The following ADAMTS16 variants were observed in gnomAD, a reference collection of about 807,000 sequenced individuals.
The protein encoded by ADAMTS16 is A disintegrin and metalloproteinase with thrombospondin motifs 16.
Under a neutral mutation model 145.8 loss-of-function variants are expected in ADAMTS16, and 94 were observed. That is an observed-to-expected ratio of 0.64 (90% CI 0.55 to 0.77). The LOEUF (loss-of-function observed/expected upper bound fraction) is 0.77. Ranked by LOEUF, ADAMTS16 falls within the 30% of genes least tolerant of loss-of-function variation. The probability of loss-of-function intolerance (pLI) is 0.00; values close to 1 mark genes in which losing one functional copy is unlikely to be tolerated. For missense variants in ADAMTS16, 1,585 were observed against 1,591.5 expected, an observed-to-expected ratio of 1.00 and a Z score of 0.07; for synonymous variants, 659 against 604.3, an observed-to-expected ratio of 1.09 and a Z score of -1.33.
intron 3 of ADAMTS16, among the ~76,000 whole-genome samples, chr5:5,171,594 A>C (rs914076100): frequency 1.3e-5 from 2 of 152,186 alleles, no homozygotes; most frequent in African/African-American, 4.8e-5. Context: ...GTCTATGTTG[A>C]AGCATCTTTA....
chr5:5,248,919 A>G (rs1737538390), intron 17 of ADAMTS16, among the ~76,000 whole-genome samples: 1 of 152,242 alleles, frequency 6.6e-6, no homozygotes, highest in Non-Finnish European at 1.5e-5. Context: ...AGGGTCCTCC[A>G]GAGAAACAAC....
chr5:5,272,360 A>G (rs371373365), intron 18 of ADAMTS16, among the ~76,000 whole-genome samples: 131 of 122,510 alleles, frequency 1.1e-3, no homozygotes, highest in African/African-American at 3.4e-3. Context: ...ATTCCAAAGG[A>G]TTTTTTTTTT....
intron 18 of ADAMTS16, among the ~76,000 whole-genome samples, chr5:5,296,387 G>A (rs992826198): frequency 2.6e-5 from 4 of 152,134 alleles, no homozygotes; most frequent in African/African-American, 7.2e-5. Context: ...CGGACTCCCC[G>A]CCCTCCCCAG....
Position 5,200,266 on chromosome 5 carries a change from T to C in ADAMTS16, c.1448T>C (p.Leu483Pro), listed in dbSNP as rs1467593604. The C allele has an allele frequency of 6.2e-7, 1 of 1,613,888 alleles. No individual in the cohort carries two copies. Among genetic ancestry groups the C allele is most frequent in the Non-Finnish European group, 8.5e-7 (1 of 1,179,930 alleles). The change falls in exon 9 of 23, where the codon CTA (leucine) becomes CCA (proline). Residue 483 changes from leucine (L) to proline (P), a missense_variant. Leu to Pro is a moderately conservative substitution (Grantham distance 98, BLOSUM62 -3). This residue lies in a region of ADAMTS16 where 298 missense variants were observed against 367.6 expected (regional missense o/e 0.81). Transcript: ENST00000274181. ...PCSRQYLHKF[L>P]STAQAICLAD... The stretch of plus-strand genomic sequence containing the variant: ...AGCCGCCAGTATCTACACAAATTTC[T>C]AAGGTAGGAACTCTTTAAGCTGGTC...
intron 3 of ADAMTS16, among the ~76,000 whole-genome samples, chr5:5,160,443 T>C (rs1332483575): frequency 6.6e-6 from 1 of 152,136 alleles, no homozygotes; most frequent in East Asian, 1.9e-4. Flanking sequence ...TACTTTGAAG[T>C]TTGCTGTGAT....
rs1222566927 is a variant in ADAMTS16, at chr5:5,320,300, G to C, written c.*1162G>C. 1.0e-5 allele frequency: 2 copies of C among 198,768 alleles called. No individual in the cohort carries two copies. Among genetic ancestry groups the C allele is most frequent in the African/African-American group, 4.8e-5 (2 of 41,702 alleles). 12.3% of individuals were successfully genotyped at this position (198,768 alleles called of 1,614,324 possible). On this transcript the variant is annotated 3_prime_UTR_variant, in exon 23 of 23. Transcript: ENST00000274181. The surrounding 1 kb of genome is among the most constrained non-coding windows in gnomAD (Gnocchi z 5.1). ...TTTATAATAAAGTTTATATGGTACA[G>C]TGTGCTTCTGAACTACCTCATGATT...
intron 18 of ADAMTS16, among the ~76,000 whole-genome samples, chr5:5,276,418 G>C (rs1579370238): frequency 6.6e-6 from 1 of 152,236 alleles, no homozygotes; most frequent in African/African-American, 2.4e-5. Flanking sequence ...ACAGACCCGA[G>C]TGTAAATTAC....
chr5:5,306,806 T>G, intron 21 of ADAMTS16, 78 bp downstream of exon 21: 1 of 1,367,036 alleles, frequency 7.3e-7, no homozygotes, highest in Non-Finnish European at 9.8e-7. Context: ...CCGGGGATGC[T>G]TCTGCGAGGG....
chr5:5,311,025 A>G (rs939004546), intron 21 of ADAMTS16, among the ~76,000 whole-genome samples: 4 of 152,268 alleles, frequency 2.6e-5, no homozygotes, highest in Non-Finnish European at 4.4e-5. Flanking sequence ...TCTGCTGGCA[A>G]TTGGACTCCT....
intron 11 of ADAMTS16, among the ~76,000 whole-genome samples, chr5:5,227,765 T>C (rs370243015): frequency 1.1e-4 from 16 of 152,208 alleles, no homozygotes; most frequent in African/African-American, 3.9e-4. Context: ...TTACTTTTGA[T>C]TGCAAAAACT....
chr5:5,157,762 C>T (rs748825822), intron 3 of ADAMTS16, among the ~76,000 whole-genome samples: 9 of 152,178 alleles, frequency 5.9e-5, no homozygotes, highest in African/African-American at 9.6e-5. Flanking sequence ...AAAGCAAGAG[C>T]TTTTCCTTCA....
At chr5:5,166,143 A>G (rs1226360551) in intron 3 of ADAMTS16, among the ~76,000 whole-genome samples, 1 of 152,162 alleles carries the variant, frequency 6.6e-6, no homozygotes, top group African/African-American at 2.4e-5. Flanking sequence ...TTTAATCTAC[A>G]GTCATCCTGT....
At chr5:5,184,847 C>T (rs1048647425) in intron 4 of ADAMTS16, among the ~76,000 whole-genome samples, 2 of 152,114 alleles carry the variant, frequency 1.3e-5, no homozygotes, top group Admixed American at 6.5e-5. Flanking sequence ...CTGCTGAGCC[C>T]TGTGCTAACA....
chr5:5,283,263 T>C lies in ADAMTS16; in HGVS notation c.2790-20005T>C, dbSNP rs1350932979. On this transcript the variant is annotated intron_variant, in intron 18 of 22. Coordinates refer to ENST00000274181, the MANE Select transcript of ADAMTS16 (RefSeq NM_139056.4). ...GCTCTTATTTGATATGTATCACATA[T>C]TACATTGTAATTTTTTATCTGATTA... Among the ~76,000 whole-genome samples, 7 of 152,230 alleles carry C rather than the reference T, an allele frequency of 4.6e-5. No individual in the cohort carries two copies. In the South Asian group the frequency reaches 1.4e-3, roughly 31 times the overall value.
chr5:5,270,149 A>G (rs1201949516), intron 18 of ADAMTS16, among the ~76,000 whole-genome samples: 1 of 152,158 alleles, frequency 6.6e-6, no homozygotes, highest in Non-Finnish European at 1.5e-5. Flanking sequence ...AAGGAGAACC[A>G]AGTGGATCTC....
chr5:5,296,306 A>T (rs1311026081), intron 18 of ADAMTS16, among the ~76,000 whole-genome samples: 1 of 152,230 alleles, frequency 6.6e-6, no homozygotes, highest in Non-Finnish European at 1.5e-5. Flanking sequence ...AGAGGAGCTC[A>T]GATGGGCTTT....
At chr5:5,205,685 T>G (rs982283469) in intron 9 of ADAMTS16, among the ~76,000 whole-genome samples, 4 of 152,258 alleles carry the variant, frequency 2.6e-5, no homozygotes, top group African/African-American at 9.6e-5. Flanking sequence ...AATTCCCTAA[T>G]GACATATGAT....
At chr5:5,242,315 C>T (rs1377435978) in intron 17 of ADAMTS16, 124 bp downstream of exon 17, 2 of 1,339,358 alleles carry the variant, frequency 1.5e-6, no homozygotes, top group South Asian at 1.5e-5. Flanking sequence ...GTAGCAGTGA[C>T]ATTCCCAAGG....
rs1371331602 is a variant in ADAMTS16 at position 5,186,084 on chromosome 5, A to G, written c.796A>G (p.Ile266Val). The stretch of plus-strand genomic sequence containing the variant: ...CCAGCCTCCCAAGGAAGACCTCTTC[A>G]TCTTGCCAGATGAGTATAAGTCTTG... ...MPQPPKEDLF[I>V]LPDEYKSCLR... is the part of the protein sequence containing the mutation. Residue 266 changes from isoleucine (I) to valine (V), a missense_variant, in exon 5 of 23, where the codon ATC (isoleucine) becomes GTC (valine). Ile to Val is a conservative substitution (Grantham distance 29). Coordinates refer to ENST00000274181, the MANE Select transcript of ADAMTS16 (RefSeq NM_139056.4). The G allele has an allele frequency of 3.7e-6, 6 of 1,613,898 alleles. No individual in the cohort carries two copies. Among genetic ancestry groups the G allele is most frequent in the South Asian group, 2.2e-5 (2 of 91,090 alleles).
Sources: allele counts gnomAD v4.1 joint callset (sites outside exome capture counted in the v4.1 genomes callset), GRCh38; gene constraint gnomAD v4.1.1; regional missense constraint gnomAD v4.1.1; non-coding constraint Gnocchi (gnomAD v3.1); transcripts MANE v1.5; gene names NCBI Gene and HGNC (gene_info 2026-07-23, HGNC 2026-07-21).